The following PPP2R5D variants were observed in gnomAD, a reference collection of about 807,000 sequenced individuals.
The protein encoded by PPP2R5D is protein phosphatase 2 regulatory subunit B'delta.
A neutral mutation model predicts 79.1 loss-of-function variants in PPP2R5D; 12 were observed. The observed-to-expected ratio is 0.15, with a 90% CI of 0.10 to 0.25. PPP2R5D has a LOEUF of 0.25. Among genes scored for constraint, PPP2R5D ranks in the 10% least tolerant of loss-of-function variants. The pLI is 1.00. For synonymous variants in PPP2R5D, 277 were observed against 286.6 expected, an observed-to-expected ratio of 0.97 and a Z score of 0.34; for missense variants, 419 against 760.2, an observed-to-expected ratio of 0.55 and a Z score of 5.28.
Position 42,992,408 on chromosome 6 carries a change from C to T in PPP2R5D, c.105+2720C>T, listed in dbSNP as rs549245423. 2.0e-5 allele frequency among the ~76,000 whole-genome samples: 3 copies of T among 152,306 alleles called. No individual in the cohort carries two copies. In the South Asian group the frequency reaches 6.2e-4, roughly 32 times the overall value. ...TTTTGGGCTCTTCTAGCCAGCTTTG[C>T]TCTGTCAGGCATTTGCCAGAGCCTT... On this transcript the variant is annotated intron_variant, in intron 2 of 15. Transcript: ENST00000485511.
At position 43,007,223 on chromosome 6, in the gene PPP2R5D, C is replaced by T. The variant is rs1176068332; in HGVS notation, c.550C>T (p.Pro184Ser). 1 of 1,614,118 alleles carries T rather than the reference C, an allele frequency of 6.2e-7. No homozygotes were observed. The highest frequency in any genetic ancestry group is 8.5e-7 in the Non-Finnish European group (1 of 1,180,012). Residue 184 changes from proline to serine, a missense_variant, in exon 5 of 16, where the codon CCA becomes TCA. This residue lies in a region of PPP2R5D where 196 missense variants were observed against 424.5 expected (regional missense o/e 0.46). Coordinates refer to ENST00000485511, the MANE Select transcript of PPP2R5D (RefSeq NM_006245.4). This position sits in a 1 kb window ranked among gnomAD's most constrained non-coding sequence, Gnocchi z 4.5. ...MFSVNLFRTL[P>S]PSSNPTGAEF... ...TTCAGTGAACCTCTTCCGGACGCTG[C>T]CACCTTCATCGAATCCCACAGGGGC...
Position 43,007,863 on chromosome 6 carries a change from C to T in PPP2R5D, c.727-72C>T. 1 of 1,589,074 alleles carries T rather than the reference C, an allele frequency of 6.3e-7. No individual in the cohort carries two copies. ...GACCTCTGCATTTCCCCTGGCGGGA[C>T]CTATGTCACCCTGGCCACTGCCTTC... On this transcript the variant is annotated intron_variant, in intron 6 of 15. Coordinates refer to ENST00000485511, the MANE Select transcript of PPP2R5D (RefSeq NM_006245.4). The surrounding 1 kb of genome is among the most constrained non-coding windows in gnomAD (Gnocchi z 4.5).
intron 2 of PPP2R5D, among the ~76,000 whole-genome samples, chr6:42,993,067 C>T (rs557249066): frequency 1.3e-5 from 2 of 152,100 alleles, no homozygotes; most frequent in Non-Finnish European, 1.5e-5. Context: ...GAGGCCGAGG[C>T]GGGTGGATCA....
intron 2 of PPP2R5D, among the ~76,000 whole-genome samples, chr6:43,004,492 C>T (rs1761950381): frequency 6.6e-6 from 1 of 151,074 alleles, no homozygotes; most frequent in Non-Finnish European, 1.5e-5. Context: ...CATTAGATTC[C>T]TTTAGATTTT....
At chr6:43,003,346 T>A (rs991664100) in intron 2 of PPP2R5D, among the ~76,000 whole-genome samples, 1 of 152,022 alleles carries the variant, frequency 6.6e-6, no homozygotes, top group African/African-American at 2.4e-5. Flanking sequence ...CACTTGAACC[T>A]GGGAGGTGCA....
chr6:42,987,362 C>G (rs760041186), intron 1 of PPP2R5D, among the ~76,000 whole-genome samples: 2 of 152,100 alleles, frequency 1.3e-5, no homozygotes, highest in Non-Finnish European at 2.9e-5. Flanking sequence ...CTGGGACTTA[C>G]CTCTTTTATT....
chr6:42,995,871 GAGTGAGAC>G (rs1265289560), intron 2 of PPP2R5D, among the ~76,000 whole-genome samples: 1 of 146,506 alleles, frequency 6.8e-6, no homozygotes, highest in African/African-American at 2.5e-5. Context: ...GAGCCTGTGA[GAGTGAGAC>G]AGTGAGACAG....
chr6:42,999,718 A>G (rs1772042087), intron 2 of PPP2R5D, among the ~76,000 whole-genome samples: 1 of 151,540 alleles, frequency 6.6e-6, no homozygotes, highest in Non-Finnish European at 1.5e-5. Flanking sequence ...GGCCCCCACC[A>G]TCACGCCTGG....
intron 2 of PPP2R5D, among the ~76,000 whole-genome samples, chr6:42,992,967 C>T (rs1771372057): frequency 6.6e-6 from 1 of 151,108 alleles, no homozygotes; most frequent in African/African-American, 2.4e-5. Context: ...TTGAGAGCAG[C>T]GTGGCCAACA....
Position 42,992,737 on chromosome 6 carries a change from G to A in PPP2R5D, c.105+3049G>A, listed in dbSNP as rs187663140. 8.5e-5 allele frequency among the ~76,000 whole-genome samples: 13 copies of A among 152,142 alleles called. No individual in the cohort carries two copies. The East Asian group carries it at 2.5e-3, about 29-fold the overall frequency. On this transcript the variant is annotated intron_variant, in intron 2 of 15. Coordinates refer to ENST00000485511, the MANE Select transcript of PPP2R5D (RefSeq NM_006245.4). ...ACACGGGAGGCTGAGGCGGAGGATC[G>A]CTTGAGTCCAGGAGTTCAAGGCTGC...
intron 2 of PPP2R5D, among the ~76,000 whole-genome samples, chr6:42,998,050 T>C (rs1186975535): frequency 0.013 from 360 of 27,264 alleles, 11 homozygotes; most frequent in African/African-American, 0.038. Flanking sequence ...TATATATATA[T>C]ATATATATTT....
At chr6:42,995,879 C>T (rs1383880799) in intron 2 of PPP2R5D, among the ~76,000 whole-genome samples, 2 of 146,258 alleles carry the variant, frequency 1.4e-5, no homozygotes. Flanking sequence ...GAGAGTGAGA[C>T]AGTGAGACAG....
intron 1 of PPP2R5D, among the ~76,000 whole-genome samples, chr6:42,989,248 G>A (rs1483196336): frequency 6.6e-6 from 1 of 152,178 alleles, no homozygotes; most frequent in Non-Finnish European, 1.5e-5. Flanking sequence ...ACTTTAGCCA[G>A]AAACCAGTGA....
At chr6:42,987,019 G>A (rs1168293044) in intron 1 of PPP2R5D, among the ~76,000 whole-genome samples, 1 of 152,100 alleles carries the variant, frequency 6.6e-6, no homozygotes, top group Non-Finnish European at 1.5e-5. Context: ...TGTGGGTGGA[G>A]GATCTTTATT....
At chr6:43,004,799 A>T (rs1163396934) in intron 2 of PPP2R5D, among the ~76,000 whole-genome samples, 2 of 149,478 alleles carry the variant, frequency 1.3e-5, no homozygotes, top group Admixed American at 1.3e-4. Flanking sequence ...TCTGTCATCC[A>T]GGCTGGAGTG....
intron 2 of PPP2R5D, among the ~76,000 whole-genome samples, chr6:43,004,425 T>TA (rs1206981549): frequency 6.6e-6 from 1 of 152,228 alleles, no homozygotes; most frequent in African/African-American, 2.4e-5. Flanking sequence ...TGATAACACA[T>TA]ACATTGTTCA....
chr6:42,987,293 A>C, intron 1 of PPP2R5D, among the ~76,000 whole-genome samples: 1 of 152,188 alleles, frequency 6.6e-6, no homozygotes, highest in East Asian at 1.9e-4. Flanking sequence ...CTTAGTGGAT[A>C]GGTGCTAAGA....
chr6:42,994,129 A>G (rs906804045), intron 2 of PPP2R5D, among the ~76,000 whole-genome samples: 2 of 151,960 alleles, frequency 1.3e-5, no homozygotes, highest in African/African-American at 4.8e-5. Context: ...CAACATGGTG[A>G]AACGCTGTCT....
At chr6:42,986,354 T>G (rs890389864) in intron 1 of PPP2R5D, among the ~76,000 whole-genome samples, 1 of 151,922 alleles carries the variant, frequency 6.6e-6, no homozygotes, top group African/African-American at 2.4e-5. Flanking sequence ...ACCCCAGAGG[T>G]ATATTGCTTT....
Sources: gnomAD v4.1 joint callset for allele counts (sites outside exome capture counted in the v4.1 genomes callset) on GRCh38, gnomAD v4.1.1 for gene constraint, gnomAD v4.1.1 regional missense constraint, Gnocchi (gnomAD v3.1) non-coding constraint, MANE v1.5 for transcripts, NCBI Gene and HGNC (gene_info 2026-07-23, HGNC 2026-07-21) for gene names.